TCF20: variants seen among roughly 807,000 people sequenced by gnomAD.
TCF20 encodes the protein SPRE-binding protein.
A neutral mutation model predicts 148.6 loss-of-function variants in TCF20; 3 were observed. The observed-to-expected ratio is 0.02, with a 90% CI of 0.01 to 0.05. The LOEUF (loss-of-function observed/expected upper bound fraction) is 0.05. Among genes scored for constraint, TCF20 ranks in the 10% least tolerant of loss-of-function variants. The pLI, the probability that TCF20 is intolerant of heterozygous loss-of-function variation, is 1.00. For synonymous variants in TCF20, 1,049 were observed against 909.5 expected (o/e 1.15, Z -2.76); for missense variants, 2,350 against 2,429.3 (o/e 0.97, Z 0.69).
At chr22:42,239,567 C>T (rs1450595475) in intron 1 of TCF20, among the ~76,000 whole-genome samples, 2 of 152,062 alleles carry the variant, frequency 1.3e-5, no homozygotes, top group African/African-American at 4.8e-5. Context: ...GCAGGCAGAT[C>T]ACTTCAGGTT....
In TCF20 at chr22:42,214,287, A is replaced by C; in HGVS notation, c.1019T>G (p.Leu340Arg). Residue 340 changes from leucine (L) to arginine (R), a missense_variant, in exon 2 of 6, where the codon CTG (leucine) becomes CGG (arginine). Coordinates refer to ENST00000677622, the MANE Select transcript of TCF20 (RefSeq NM_001378418.1). ...QYTNAATKLP[L>R]QSQVGQYNQP... Reference sequence around the variant, plus strand: ...GTTGTACTGCCCCACTTGGCTTTGCAGGGGCAGCTTGGTGGCAGCGTTAGT... The same window carrying C: ...GTTGTACTGCCCCACTTGGCTTTGCCGGGGCAGCTTGGTGGCAGCGTTAGT... 6.2e-7 allele frequency: 1 copy of C among 1,614,198 alleles called. No individual in the cohort carries two copies. The highest frequency in any genetic ancestry group is 8.5e-7 in the Non-Finnish European group (1 of 1,180,034).
chr22:42,194,623 A>ATG (rs992404054), intron 2 of TCF20, among the ~76,000 whole-genome samples: 1 of 151,970 alleles, frequency 6.6e-6, no homozygotes, highest in Non-Finnish European at 1.5e-5. Flanking sequence ...GTAGCGGTAG[A>ATG]TGGTGTTACT....
intron 1 of TCF20, among the ~76,000 whole-genome samples, chr22:42,294,024 T>A: frequency 6.6e-6 from 1 of 152,122 alleles, no homozygotes; most frequent in Non-Finnish European, 1.5e-5. Context: ...GCTGCCCATG[T>A]CTCCATTTGG....
chr22:42,338,950 C>T lies in TCF20; in HGVS notation c.-37+4529G>A, dbSNP rs2147063161. ...GTCCCATTTTTCAGATAGGAGAGGT[C>T]ATCTATATCCAGGGAGACAGGGTTG... On this transcript the variant is annotated intron_variant, in intron 1 of 1. Coordinates refer to the TCF20 transcript ENST00000515426. The surrounding 1 kb of genome is among the most constrained non-coding windows in gnomAD (Gnocchi z 4.0). 6.6e-6 allele frequency among the ~76,000 whole-genome samples: 1 copy of T among 152,182 alleles called. No individual in the cohort carries two copies. The highest frequency in any genetic ancestry group is 1.9e-4 in the East Asian group (1 of 5,184).
At chr22:42,264,908 T>G (rs1042165563) in intron 1 of TCF20, among the ~76,000 whole-genome samples, 2 of 152,250 alleles carry the variant, frequency 1.3e-5, no homozygotes, top group Admixed American at 1.3e-4. Context: ...CATTCAAAAG[T>G]GGAAACCATC....
intron 2 of TCF20, among the ~76,000 whole-genome samples, chr22:42,186,503 T>C (rs1292338414): frequency 1.3e-5 from 2 of 152,014 alleles, no homozygotes; most frequent in Non-Finnish European, 2.9e-5. Context: ...CAAAGTACAG[T>C]CTATTAAATT....
intron 1 of TCF20, among the ~76,000 whole-genome samples, chr22:42,331,210 C>T (rs1188591442): frequency 3.3e-5 from 5 of 152,222 alleles, no homozygotes; most frequent in African/African-American, 4.8e-5. Flanking sequence ...TAATCAAACC[C>T]GGCCCCAGGA....
chr22:42,198,787 G>A (rs1443456146), intron 2 of TCF20, among the ~76,000 whole-genome samples: 4 of 151,340 alleles, frequency 2.6e-5, no homozygotes, highest in African/African-American at 9.7e-5. Flanking sequence ...TCAGCCTCCC[G>A]AGTAGCTGGG....
intron 1 of TCF20, among the ~76,000 whole-genome samples, chr22:42,289,854 G>C (rs964749353): frequency 2.6e-5 from 4 of 152,126 alleles, no homozygotes; most frequent in African/African-American, 9.7e-5. Context: ...CCCCGCCCCC[G>C]AGCTTTTTCC....
chr22:42,284,306 G>A (rs1926982734), upstream of TCF20, among the ~76,000 whole-genome samples: 2 of 152,264 alleles, frequency 1.3e-5, no homozygotes, highest in South Asian at 2.1e-4. Flanking sequence ...GGCTTAAAAG[G>A]GGCCAACGCC....
intron 2 of TCF20, among the ~76,000 whole-genome samples, chr22:42,182,266 C>T (rs1936816773): frequency 6.6e-6 from 1 of 152,192 alleles, no homozygotes; most frequent in East Asian, 1.9e-4. Context: ...TGTTCCTCAA[C>T]CTACAGACGT....
chr22:42,179,575 A>C lies in TCF20; in HGVS notation c.5749+34T>G, dbSNP rs747321584. 4 of 1,457,722 alleles carry C rather than the reference A, an allele frequency of 2.7e-6. 1 individual carries two copies. In the South Asian group the frequency reaches 4.6e-5, roughly 17 times the overall value. 90.3% of individuals were successfully genotyped at this position (1,457,722 alleles called of 1,614,324 possible). A position where few individuals can be genotyped will look rare whatever the true frequency, so the allele number is the denominator to read the frequency against. On this transcript the variant is annotated intron_variant, in intron 3 of 5. Transcript: ENST00000677622. ...CAAACTGTATGTCCTAATCCTTTGG[A>C]TGCTCTGGACAAGGGTCTGTGGTCT...
intron 1 of TCF20, among the ~76,000 whole-genome samples, chr22:42,316,595 G>A (rs1023124582): frequency 9.9e-5 from 15 of 152,134 alleles, no homozygotes; most frequent in Admixed American, 1.3e-4. Context: ...GCGCCACCAC[G>A]CCCGGCTGAT....
At chr22:42,227,973 G>C (rs558437331) in intron 1 of TCF20, among the ~76,000 whole-genome samples, 11 of 152,340 alleles carry the variant, frequency 7.2e-5, no homozygotes, top group African/African-American at 2.6e-4. Context: ...AAGGTCACTA[G>C]CAAGTCACAC....
intron 1 of TCF20, among the ~76,000 whole-genome samples, chr22:42,230,669 A>G (rs1923320070): frequency 6.6e-6 from 1 of 151,832 alleles, no homozygotes; most frequent in African/African-American, 2.4e-5. Context: ...CAAACAAACA[A>G]AAGACACTGT....
chr22:42,271,233 G>A (rs1212359428), upstream of TCF20, among the ~76,000 whole-genome samples: 1 of 152,248 alleles, frequency 6.6e-6, no homozygotes, highest in Non-Finnish European at 1.5e-5. Context: ...GTGGAGGAAC[G>A]ACTTGGGTCC....
chr22:42,185,024 CT>C (rs1347048837), intron 2 of TCF20, among the ~76,000 whole-genome samples: 2 of 152,182 alleles, frequency 1.3e-5, no homozygotes, highest in East Asian at 3.8e-4. Context: ...CTGAGGGAAG[CT>C]TTAAGGGAGC....
intron 1 of TCF20, among the ~76,000 whole-genome samples, chr22:42,219,943 T>C (rs2147242754): frequency 6.6e-6 from 1 of 152,268 alleles, no homozygotes; most frequent in African/African-American, 2.4e-5. Flanking sequence ...TTCCTAACTT[T>C]CTGAACAGTT....
At position 42,245,058 on chromosome 22, in the gene TCF20, G is replaced by A. The variant is rs183452873; in HGVS notation, c.-37+25281C>T. 1.6e-3 allele frequency among the ~76,000 whole-genome samples: 249 copies of A among 152,082 alleles called. 5 individuals carry two copies. Among genetic ancestry groups the A allele is most frequent in the African/African-American group, 5.7e-3 (237 of 41,460 alleles). ...TGATCATGCCACTGCACTCCAGCCTGGGCAACAGAGCCGGATCCTGTCTCA... is the reference window on the plus strand; with the variant it reads ...TGATCATGCCACTGCACTCCAGCCTAGGCAACAGAGCCGGATCCTGTCTCA... On this transcript the variant is annotated intron_variant, in intron 1 of 5. Coordinates refer to ENST00000677622, the MANE Select transcript of TCF20 (RefSeq NM_001378418.1).
Sources: allele counts gnomAD v4.1 joint callset (sites outside exome capture counted in the v4.1 genomes callset), GRCh38; gene constraint gnomAD v4.1.1; non-coding constraint Gnocchi (gnomAD v3.1); transcripts MANE v1.5; gene names NCBI Gene and HGNC (gene_info 2026-07-23, HGNC 2026-07-21).